The following LRP2 variants were observed in gnomAD, a reference collection of about 807,000 sequenced individuals.
LRP2 encodes low-density lipoprotein receptor-related protein 2.
LRP2 carries 172 observed loss-of-function variants against 531.0 expected under a neutral mutation model. The ratio of observed to expected loss-of-function variants is 0.32; its 90% CI spans 0.29 to 0.37. The LOEUF (loss-of-function observed/expected upper bound fraction) is 0.37. Among genes scored for constraint, LRP2 ranks in the 10% least tolerant of loss-of-function variants. The probability of loss-of-function intolerance (pLI) is 1.00; values close to 1 mark genes in which losing one functional copy is unlikely to be tolerated. For synonymous variants in LRP2, 1,992 were observed against 2,027.6 expected (o/e 0.98, Z 0.47); for missense variants, 5,167 against 5,868.3 (o/e 0.88, Z 3.90).
intron 46 of LRP2, 108 bp downstream of exon 46, chr2:169,196,803 G>A: frequency 1.3e-6 from 2 of 1,482,164 alleles, no homozygotes; most frequent in Non-Finnish European, 1.9e-6. Context: ...GGGACAGGAA[G>A]TCCAAGCATT....
rs1423126613 is a variant in LRP2 at position 169,220,437 on chromosome 2, C to A, written c.5648+17G>T. Reference sequence around the variant, plus strand: ...ACAATGCTGCATGGAAGACACGTGCCATTTATGAATACTCACCCACGAGCA... The same window carrying A: ...ACAATGCTGCATGGAAGACACGTGCAATTTATGAATACTCACCCACGAGCA... On this transcript the variant is annotated intron_variant, in intron 34 of 78. Coordinates refer to ENST00000649046, the MANE Select transcript of LRP2 (RefSeq NM_004525.3). 2.5e-6 allele frequency: 4 copies of A among 1,572,422 alleles called. No homozygotes were observed. In the Admixed American group the frequency reaches 6.7e-5, roughly 26 times the overall value.
At position 169,146,728 on chromosome 2, in the gene LRP2, T is replaced by A; in HGVS notation, c.12811+11A>T. The A allele has an allele frequency of 6.3e-7, 1 of 1,588,884 alleles. No individual in the cohort carries two copies. Among genetic ancestry groups the A allele is most frequent in the Middle Eastern group, 1.7e-4 (1 of 5,966 alleles). ...TTAATTTAATATATTACTTTCTAAC[T>A]AATTTCTAACCTTCCTTTGCAATGA... On this transcript the variant is annotated intron_variant, in intron 69 of 78. Transcript: ENST00000649046.
At chr2:169,262,076 G>C (rs900725804) in intron 16 of LRP2, among the ~76,000 whole-genome samples, 2 of 151,886 alleles carry the variant, frequency 1.3e-5, no homozygotes, top group Non-Finnish European at 2.9e-5. Flanking sequence ...AATAAACTAG[G>C]TATTGATGGG....
chr2:169,251,581 C>A (rs1356960622), intron 19 of LRP2, among the ~76,000 whole-genome samples: 1 of 33,696 alleles, frequency 3.0e-5, no homozygotes, highest in Non-Finnish European at 4.8e-5. Context: ...ATTAAAAGAA[C>A]TAGAAAAGCA....
chr2:169,235,884 C>T lies in LRP2; in HGVS notation c.4876G>A (p.Asp1626Asn), dbSNP rs770638905. ...TGTCTCCGATGGTGTCCATTATAAT[C>T]ACAAAAGTCCATGTAATCAAGATAG... is the stretch of plus-strand genomic sequence containing the variant. Reference protein sequence around the residue: ...DSYLDYMDFCDYNGHHRRQVI... With the variant: ...DSYLDYMDFCNYNGHHRRQVI... The change falls in exon 29 of 79, where the codon GAT becomes AAT. Residue 1626 changes from aspartate to asparagine, a missense_variant. This residue lies in a region of LRP2 where 2,811 missense variants were observed against 3,058.0 expected (regional missense o/e 0.92). Coordinates refer to ENST00000649046, the MANE Select transcript of LRP2 (RefSeq NM_004525.3). The T allele has an allele frequency of 3.7e-6, 6 of 1,614,182 alleles. No homozygotes were observed. Among genetic ancestry groups the T allele is most frequent in the South Asian group, 2.2e-5 (2 of 91,078 alleles).
intron 59 of LRP2, 75 bp downstream of exon 59, chr2:169,170,476 T>C: frequency 8.7e-7 from 1 of 1,151,056 alleles, no homozygotes; most frequent in Non-Finnish European, 1.3e-6. Flanking sequence ...TCTAAAAGCC[T>C]TATAAACACT....
rs1296785525 is a variant in LRP2, at chr2:169,282,953, C to T, written c.1091G>A (p.Ser364Asn). The change falls in exon 10 of 79, where the codon AGC becomes AAC. Residue 364 changes from serine (S) to asparagine (N), a missense_variant. Ser to Asn is a conservative substitution (Grantham distance 46, BLOSUM62 1). Coordinates refer to ENST00000649046, the MANE Select transcript of LRP2 (RefSeq NM_004525.3). ...GTGGCACAGGTGACGGCCAGGTCGG[C>T]TTTCACACTTCTGGTCACAAATTCC... ...IWGICDQKCESRPGRHLCHCE... is the reference protein window; with the variant it reads ...IWGICDQKCENRPGRHLCHCE... 7.4e-6 allele frequency: 12 copies of T among 1,614,036 alleles called. No homozygotes were observed. In the East Asian group the frequency reaches 2.7e-4, roughly 36 times the overall value.
At chr2:169,210,756 T>G (rs1688563677) in intron 37 of LRP2, among the ~76,000 whole-genome samples, 1 of 152,214 alleles carries the variant, frequency 6.6e-6, no homozygotes, top group Non-Finnish European at 1.5e-5. Context: ...TGAGGCCAAC[T>G]GGAGAAATAT....
At position 169,209,866 on chromosome 2, in the gene LRP2, G is replaced by C. The variant is rs62172612; in HGVS notation, c.6281-225C>G. Among the ~76,000 whole-genome samples, 9,324 of 152,068 alleles carry C rather than the reference G, an allele frequency of 0.061. 311 individuals carry two copies. Among genetic ancestry groups the C allele is most frequent in the South Asian group, 0.099 (479 of 4,826 alleles). ...CTCCCGGGAGAAATGTTGATTATAG[G>C]TTTAGGCAGGGAAGGTACGAAGTGA... On this transcript the variant is annotated intron_variant, in intron 37 of 78. Coordinates refer to ENST00000649046, the MANE Select transcript of LRP2 (RefSeq NM_004525.3).
intron 1 of LRP2, among the ~76,000 whole-genome samples, chr2:169,328,441 T>TAAAAAAAAAAAAAAAAAAAAAAAAAA (rs537210492): frequency 1.4e-4 from 7 of 49,118 alleles, no homozygotes; most frequent in African/African-American, 2.2e-4. Context: ...CGGGCCGGGA[T>TAAAAAAAAAAAAAAAAAAAAAAAAAA]AAAAAAAAAA....
At chr2:169,178,102 C>G (rs907478767) in intron 52 of LRP2, 76 bp from the exon 53 acceptor site, 4 of 1,090,214 alleles carry the variant, frequency 3.7e-6, no homozygotes, top group African/African-American at 3.1e-5. Context: ...TAAAAGAATT[C>G]ACAAATCAAT....
chr2:169,196,882 A>G (rs202156199), intron 46 of LRP2, 29 bp downstream of exon 46: 12 of 1,613,848 alleles, frequency 7.4e-6, no homozygotes, highest in Non-Finnish European at 1.0e-5. Context: ...CTGCATCGTG[A>G]TGTTTTTCAT....
At chr2:169,278,629 C>T (rs889063233) in intron 12 of LRP2, among the ~76,000 whole-genome samples, 1 of 152,180 alleles carries the variant, frequency 6.6e-6, no homozygotes, top group Non-Finnish European at 1.5e-5. Flanking sequence ...GTTTTCCATT[C>T]TGAGGCACAG....
intron 75 of LRP2, 40 bp from the exon 76 acceptor site, chr2:169,137,533 GAAAC>G (rs748517385): frequency 4.9e-5 from 57 of 1,159,284 alleles, no homozygotes; most frequent in Non-Finnish European, 6.6e-5. Context: ...GAGAGAGAGA[GAAAC>G]AGAGAGAGAG....
chr2:169,204,390 A>G, intron 41 of LRP2, 119 bp from the exon 42 acceptor site: 5 of 905,180 alleles, frequency 5.5e-6, no homozygotes, highest in Non-Finnish European at 7.2e-6. Flanking sequence ...TTCTTTTCAA[A>G]TGGGGCATAT....
chr2:169,347,640 CA>C (rs1246636084), intron 1 of LRP2, among the ~76,000 whole-genome samples: 1 of 151,382 alleles, frequency 6.6e-6, no homozygotes, highest in Non-Finnish European at 1.5e-5. Flanking sequence ...AGGAGAAACC[CA>C]GCAGAGAGAA....
chr2:169,361,443 G>C (rs537945067), intron 1 of LRP2, among the ~76,000 whole-genome samples: 1 of 137,350 alleles, frequency 7.3e-6, no homozygotes, highest in African/African-American at 2.8e-5. Flanking sequence ...CGCCCCAGTC[G>C]TTCTCTTCCC....
At chr2:169,133,877 C>T (rs934745955) in intron 76 of LRP2, among the ~76,000 whole-genome samples, 3 of 152,212 alleles carry the variant, frequency 2.0e-5, no homozygotes, top group African/African-American at 7.2e-5. Context: ...ACCCATCAGG[C>T]TCAGCAAATT....
At chr2:169,314,757 G>A (rs1463825914) in intron 3 of LRP2, among the ~76,000 whole-genome samples, 1 of 152,196 alleles carries the variant, frequency 6.6e-6, no homozygotes, top group African/African-American at 2.4e-5. Flanking sequence ...AGAATAGATA[G>A]ATTTTTCCAG....
Sources: gnomAD v4.1 joint callset for allele counts (sites outside exome capture counted in the v4.1 genomes callset) on GRCh38, gnomAD v4.1.1 for gene constraint, gnomAD v4.1.1 regional missense constraint, MANE v1.5 for transcripts, NCBI Gene and HGNC (gene_info 2026-07-23, HGNC 2026-07-21) for gene names.